GON4L: variants seen among roughly 807,000 people sequenced by gnomAD.
GON4L encodes the protein gon-4 like, also known as GON-4-like protein.
Under a neutral mutation model 211.8 loss-of-function variants are expected in GON4L, and 87 were observed. That is an observed-to-expected ratio of 0.41 (90% CI 0.35 to 0.49). GON4L has a LOEUF of 0.49. Ranked by LOEUF, GON4L falls within the 20% of genes least tolerant of loss-of-function variation. The pLI, the probability that GON4L is intolerant of heterozygous loss-of-function variation, is 0.15. For synonymous variants in GON4L, 875 were observed against 962.6 expected (o/e 0.91, Z 1.68); for missense variants, 2,155 against 2,659.5 (o/e 0.81, Z 4.17).
chr1:155,826,535 C>A (rs995143454), intron 3 of GON4L, among the ~76,000 whole-genome samples: 3 of 145,310 alleles, frequency 2.1e-5, no homozygotes, highest in Non-Finnish European at 4.5e-5. Context: ...CCCTGTACTT[C>A]AGCCTGGGCG....
chr1:155,780,423 C>T (rs1271813055), intron 14 of GON4L, among the ~76,000 whole-genome samples: 1 of 151,784 alleles, frequency 6.6e-6, no homozygotes, highest in Admixed American at 6.6e-5. Context: ...GAAACCCTGT[C>T]TCTATGAAAA....
At position 155,752,084 on chromosome 1, in the gene GON4L, T is replaced by A; in HGVS notation, c.6349A>T (p.Lys2117Ter). 6.2e-7 allele frequency: 1 copy of A among 1,613,746 alleles called. No homozygotes were observed. Among genetic ancestry groups the A allele is most frequent in the Non-Finnish European group, 8.5e-7 (1 of 1,179,706 alleles). The stretch of plus-strand genomic sequence containing the variant: ...CCCTTGGCCTGTGTTCCACTGTCTT[T>A]AGCCAAACCCCCTCTAGGGGCTTTG... ...SPKAPRGGLA[K>*]DSGTQAKGPE... The change falls in exon 30 of 32, where the codon AAA becomes TAA. Residue 2117 changes from lysine to a stop codon, truncating the protein, a stop_gained. Transcript: ENST00000368331. LOFTEE classifies it high-confidence loss of function.
At chr1:155,821,598 A>T (rs890788443) in intron 4 of GON4L, 50 bp from the exon 5 acceptor site, 4 of 1,015,030 alleles carry the variant, frequency 3.9e-6, no homozygotes, top group Non-Finnish European at 6.3e-6. Flanking sequence ...TGTCACCTAG[A>T]CAATACTCAT....
At chr1:155,830,095 C>T (rs1042057288) in intron 2 of GON4L, among the ~76,000 whole-genome samples, 12 of 151,874 alleles carry the variant, frequency 7.9e-5, no homozygotes, top group African/African-American at 2.4e-4. Context: ...GGATTACAGG[C>T]GTGTGTCACC....
In GON4L at chr1:155,793,823, C is replaced by T. The variant is rs990996851; in HGVS notation, c.1747+1227G>A. Among the ~76,000 whole-genome samples, 9 of 152,176 alleles carry T rather than the reference C, an allele frequency of 5.9e-5. No individual in the cohort carries two copies. The South Asian group carries it at 1.2e-3, about 21-fold the overall frequency. ...CAAAGTTTCTCTATGTTGCCTATGCCGGTCTCGAACTCCTAAGCTCAAGCA... is the reference window on the plus strand; with the variant it reads ...CAAAGTTTCTCTATGTTGCCTATGCTGGTCTCGAACTCCTAAGCTCAAGCA... On this transcript the variant is annotated intron_variant, in intron 12 of 31. Coordinates refer to ENST00000368331, the MANE Select transcript of GON4L (RefSeq NM_001282860.2).
intron 2 of GON4L, among the ~76,000 whole-genome samples, chr1:155,830,632 GC>G (rs1238951766): frequency 6.6e-6 from 1 of 152,028 alleles, no homozygotes; most frequent in African/African-American, 2.4e-5. Context: ...TGTCCCCTAG[GC>G]TGAAGTGCAG....
At position 155,773,116 on chromosome 1, in the gene GON4L, C is replaced by A. The variant is rs1232510633; in HGVS notation, c.2445G>T (p.Leu815=). 1 of 1,613,222 alleles carries A rather than the reference C, an allele frequency of 6.2e-7. No homozygotes were observed. Among genetic ancestry groups the A allele is most frequent in the East Asian group, 2.2e-5 (1 of 44,876 alleles). The change falls in exon 18 of 32, where the codon CTG becomes CTT. Residue 815 remains leucine (L), a synonymous_variant. Coordinates refer to ENST00000368331, the MANE Select transcript of GON4L (RefSeq NM_001282860.2). ...MYPELLPVCS[L]KAKNPQDKIV... is the part of the protein sequence containing the mutation. The stretch of plus-strand genomic sequence containing the variant: ...TCTTATCCTGGGGATTCTTTGCCTT[C>A]AGGGAACACACTGGAAGTAACTCTG...
chr1:155,763,030 C>T (rs574747337), intron 22 of GON4L, among the ~76,000 whole-genome samples: 8 of 149,462 alleles, frequency 5.4e-5, no homozygotes, highest in Admixed American at 3.3e-4. Flanking sequence ...AGCAAGACTC[C>T]GTCTCAAAAA....
chr1:155,853,186 T>C, intron 2 of GON4L, 90 bp downstream of exon 2: 1 of 1,109,122 alleles, frequency 9.0e-7, no homozygotes, highest in Non-Finnish European at 1.4e-6. Flanking sequence ...ATATCCCCTT[T>C]CAGAAATACT....
chr1:155,834,431 T>C (rs554790035), intron 2 of GON4L, among the ~76,000 whole-genome samples: 1 of 152,274 alleles, frequency 6.6e-6, no homozygotes, highest in East Asian at 1.9e-4. Context: ...GAACCATGAC[T>C]AACACTGAAC....
intron 11 of GON4L, among the ~76,000 whole-genome samples, chr1:155,797,610 G>A (rs1252472503): frequency 3.3e-5 from 5 of 151,180 alleles, no homozygotes; most frequent in African/African-American, 9.7e-5. Context: ...TTGGGAGGCC[G>A]AGGTGGGAAG....
At chr1:155,747,795 T>G (rs1223886296), downstream of GON4L, 1 of 1,612,822 alleles carries the variant, frequency 6.2e-7, no homozygotes, top group South Asian at 1.1e-5. Context: ...GCACGATGGC[T>G]TCTCTGGGGT....
intron 1 of GON4L, among the ~76,000 whole-genome samples, chr1:155,856,516 G>A (rs998296946): frequency 1.3e-5 from 2 of 152,008 alleles, no homozygotes; most frequent in African/African-American, 4.8e-5. Flanking sequence ...GATTAGAGGC[G>A]TGAGCCACCG....
Position 155,849,226 on chromosome 1 carries a change from C to T in GON4L, c.505+4050G>A, listed in dbSNP as rs190001024. 9.4e-3 allele frequency among the ~76,000 whole-genome samples: 1,389 copies of T among 148,094 alleles called. 18 individuals are homozygous for T. The highest frequency in any genetic ancestry group is 0.033 in the African/African-American group (1,312 of 39,686). ...ATCCCAGCACTTTGGGAGGCTGAGG[C>T]GGGTGGTCATTTGAGGTCAGAAATT... On this transcript the variant is annotated intron_variant, in intron 2 of 31. Coordinates refer to ENST00000368331, the MANE Select transcript of GON4L (RefSeq NM_001282860.2).
At chr1:155,848,909 A>G (rs1671498639) in intron 2 of GON4L, among the ~76,000 whole-genome samples, 1 of 151,984 alleles carries the variant, frequency 6.6e-6, no homozygotes, top group Admixed American at 6.6e-5. Flanking sequence ...GCACTTTGGG[A>G]GGCCGAGGCA....
chr1:155,825,390 TG>T (rs1183001572), intron 3 of GON4L, among the ~76,000 whole-genome samples: 1 of 141,578 alleles, frequency 7.1e-6, no homozygotes, highest in African/African-American at 2.6e-5. Context: ...CTGGCCAACA[TG>T]GTGAAAGCCC....
upstream of GON4L, chr1:155,859,310 G>GTACT (rs1672500890): frequency 1.1e-5 from 2 of 178,682 alleles, no homozygotes; most frequent in Non-Finnish European, 2.4e-5. Context: ...TTACCCTTCA[G>GTACT]TACTTTCTCG....
At position 155,835,456 on chromosome 1, in the gene GON4L, GATCA is replaced by G. The variant is rs1465096020; in HGVS notation, c.506-8432_506-8429del. Among the ~76,000 whole-genome samples, 101 of 145,944 alleles carry G rather than the reference GATCA, an allele frequency of 6.9e-4. 1 individual carries two copies. Among genetic ancestry groups the G allele is most frequent in the African/African-American group, 2.3e-3 (89 of 39,022 alleles). ...CCCTCTGCGAGAAACACCCAAGAAT[GATCA>G]ATTAAAAAAAAAAAAAAATCTGCCC... On this transcript the variant is annotated intron_variant, in intron 2 of 31. Coordinates refer to ENST00000368331, the MANE Select transcript of GON4L (RefSeq NM_001282860.2).
At chr1:155,758,679 GAC>G (rs1428063267) in intron 24 of GON4L, among the ~76,000 whole-genome samples, 1 of 152,112 alleles carries the variant, frequency 6.6e-6, no homozygotes, top group Non-Finnish European at 1.5e-5. Flanking sequence ...AAGAGTTCGA[GAC>G]CAGCCTGACC....
Sources: gnomAD v4.1 joint callset for allele counts (sites outside exome capture counted in the v4.1 genomes callset) on GRCh38, gnomAD v4.1.1 for gene constraint, MANE v1.5 for transcripts, NCBI Gene and HGNC (gene_info 2026-07-23, HGNC 2026-07-21) for gene names.